The following FCHO1 variants were observed in gnomAD, a reference collection of about 807,000 sequenced individuals.
The protein encoded by FCHO1 is F-BAR domain only protein 1.
In FCHO1, 45 loss-of-function variants were observed where a neutral mutation model predicts 114.4. The observed-to-expected ratio is 0.39, with a 90% CI of 0.31 to 0.50. The LOEUF (loss-of-function observed/expected upper bound fraction) is 0.50, where lower values mean the gene tolerates loss of function less well. Among genes scored for constraint, FCHO1 ranks in the 20% least tolerant of loss-of-function variants. The pLI is 0.77. For missense variants in FCHO1, 1,042 were observed against 1,209.6 expected, an observed-to-expected ratio of 0.86 and a Z score of 2.06; for synonymous variants, 480 against 488.9, an observed-to-expected ratio of 0.98 and a Z score of 0.24.
chr19:17,781,431 G>A (rs769483942), intron 21 of FCHO1, 21 bp from the exon 22 acceptor site: 1 of 1,613,938 alleles, frequency 6.2e-7, no homozygotes, highest in Non-Finnish European at 8.5e-7. Context: ...TCACAGCCAA[G>A]ATTGTCTCTT....
chr19:17,783,083 C>T lies in FCHO1; in HGVS notation c.2004C>T (p.Ser668=), dbSNP rs767033905. 39 of 1,614,090 alleles carry T rather than the reference C, an allele frequency of 2.4e-5. No homozygotes were observed. The highest frequency in any genetic ancestry group is 1.6e-4 in the Middle Eastern group (1 of 6,062). Reference sequence around the variant, plus strand: ...CTGCTGGCATCGTGCGTGTGTTCAGCGGGACCCCACCACCACCTGTCCTCA... The same window carrying T: ...CTGCTGGCATCGTGCGTGTGTTCAGTGGGACCCCACCACCACCTGTCCTCA... ...TFPAGIVRVF[S]GTPPPPVLSF... Residue 668 remains serine (S), a synonymous_variant, in exon 24 of 29, where the codon AGC becomes AGT. Transcript: ENST00000596536.
Position 17,768,552 on chromosome 19 carries a change from C to T in FCHO1, c.336+1742C>T, listed in dbSNP as rs549753436. ...ACTAAAAACACAAAAATTAGCCAGA[C>T]GTGGTGGCACACACACCTGTAATCC... On this transcript the variant is annotated intron_variant, in intron 7 of 28. Coordinates refer to ENST00000596536, the MANE Select transcript of FCHO1 (RefSeq NM_015122.3). Among the ~76,000 whole-genome samples, 9 of 151,704 alleles carry T rather than the reference C, an allele frequency of 5.9e-5. No homozygotes were observed. The South Asian group carries it at 6.2e-4, about 11-fold the overall frequency.
intron 6 of FCHO1, among the ~76,000 whole-genome samples, chr19:17,765,458 G>A (rs2088549847): frequency 6.6e-6 from 1 of 151,920 alleles, no homozygotes; most frequent in African/African-American, 2.4e-5. Context: ...GATCACTTGA[G>A]GCCAAAAGTT....
Position 17,784,949 on chromosome 19 carries a change from A to G in FCHO1, c.2426+25A>G, listed in dbSNP as rs757967122. On this transcript the variant is annotated intron_variant, in intron 26 of 28. Transcript: ENST00000596536. The surrounding 1 kb of genome is among the most constrained non-coding windows in gnomAD (Gnocchi z 5.3). ...GGTGAGGGCTTGCGGGAGGCCAAGG[A>G]AAACTCAGCAGTTTCCCCCATAACC... 3.7e-6 allele frequency: 6 copies of G among 1,603,362 alleles called. No individual in the cohort carries two copies. The South Asian group carries it at 6.6e-5, about 18-fold the overall frequency.
Position 17,774,298 on chromosome 19 carries a change from G to C in FCHO1, c.835+15G>C, listed in dbSNP as rs771778944. 2.5e-6 allele frequency: 4 copies of C among 1,614,124 alleles called. No individual in the cohort carries two copies. The highest frequency in any genetic ancestry group is 3.4e-6 in the Non-Finnish European group (4 of 1,180,010). On this transcript the variant is annotated intron_variant, in intron 12 of 28. Coordinates refer to ENST00000596536, the MANE Select transcript of FCHO1 (RefSeq NM_015122.3). ...CCTGCAGGAAGGCAAGTACGTCTGGGCCTGGATGCCCAGGCTGGACCATGG... is the reference window on the plus strand; with the variant it reads ...CCTGCAGGAAGGCAAGTACGTCTGGCCCTGGATGCCCAGGCTGGACCATGG...
Position 17,774,515 on chromosome 19 carries a change from G to A in FCHO1, c.920+37G>A, listed in dbSNP as rs376473622. 2.2e-5 allele frequency: 34 copies of A among 1,568,796 alleles called. No homozygotes were observed. In the African/African-American group the frequency reaches 3.8e-4, roughly 17 times the overall value. On this transcript the variant is annotated intron_variant, in intron 13 of 28. Transcript: ENST00000596536. ...CCCCTGCCCGGTCTGGCCCAGGCTA[G>A]ACCGAGATCCCCTCCCCTGCCCAGG...
chr19:17,764,252 G>A, intron 5 of FCHO1, 123 bp from the exon 6 acceptor site: 1 of 927,534 alleles, frequency 1.1e-6, no homozygotes, highest in Non-Finnish European at 1.7e-6. Flanking sequence ...AGTTGGCCAG[G>A]CTGGTCTTGA....
chr19:17,758,464 A>G (rs2084682090), intron 4 of FCHO1, among the ~76,000 whole-genome samples: 1 of 152,142 alleles, frequency 6.6e-6, no homozygotes, highest in African/African-American at 2.4e-5. Flanking sequence ...GAGGCTAGGA[A>G]GAAGCTAGGA....
chr19:17,781,920 A>G, intron 23 of FCHO1, 100 bp downstream of exon 23: 1 of 778,390 alleles, frequency 1.3e-6, no homozygotes, highest in Non-Finnish European at 2.0e-6. Flanking sequence ...CTTATAGTGA[A>G]AGGGCCTTGA....
At position 17,772,522 on chromosome 19, in the gene FCHO1, C is replaced by T; in HGVS notation, c.660C>T (p.His220=). ...AGGCACTGCTGGGCTCATATGCTCA[C>T]TCGGTGGAGGACACGCACGTGCAGA... ...HMKALLGSYA[H]SVEDTHVQIG... Residue 220 remains histidine, a synonymous_variant, in exon 10 of 29, where the codon CAC becomes CAT. Transcript: ENST00000596536. 1.2e-6 allele frequency: 2 copies of T among 1,614,176 alleles called. No homozygotes were observed. Among genetic ancestry groups the T allele is most frequent in the Non-Finnish European group, 1.7e-6 (2 of 1,180,040 alleles).
chr19:17,778,758 A>G lies in FCHO1; in HGVS notation c.1501A>G (p.Ser501Gly). The change falls in exon 20 of 29, where the codon AGC becomes GGC. Residue 501 changes from serine to glycine, a missense_variant. Around this residue, in one of 3 missense-constraint regions of FCHO1, gnomAD observed 455 missense variants for 455.4 expected, o/e 1.00. Transcript: ENST00000596536. ...GGTCCCCCGCCCAGGCACCCCGCAG[A>G]GCCCGCCCAGCTGTAGGGCGCCACC... is the stretch of plus-strand genomic sequence containing the variant. ...SWVPRPGTPQ[S>G]PPSCRAPPPE... 1 of 1,538,824 alleles carries G rather than the reference A, an allele frequency of 6.5e-7. No homozygotes were observed. Among genetic ancestry groups the G allele is most frequent in the Non-Finnish European group, 8.7e-7 (1 of 1,147,514 alleles).
At chr19:17,778,322 C>A in intron 19 of FCHO1, 94 bp downstream of exon 19, 1 of 1,122,210 alleles carries the variant, frequency 8.9e-7, no homozygotes. Flanking sequence ...CCCCTGGAAG[C>A]CAGGCTGGAG....
In FCHO1 at chr19:17,776,378, C is replaced by A; in HGVS notation, c.1207+107C>A. The A allele has an allele frequency of 7.3e-7, 1 of 1,366,004 alleles. No homozygotes were observed. Among genetic ancestry groups the A allele is most frequent in the Non-Finnish European group, 1.0e-6 (1 of 954,744 alleles). The allele number at this position is 1,366,004 out of a possible 1,614,324, so 84.6% of individuals were successfully genotyped here. On this transcript the variant is annotated intron_variant, in intron 17 of 28. Coordinates refer to ENST00000596536, the MANE Select transcript of FCHO1 (RefSeq NM_015122.3). The surrounding 1 kb of genome is among the most constrained non-coding windows in gnomAD (Gnocchi z 4.4). The stretch of plus-strand genomic sequence containing the variant: ...TTGTAACTTTGGGCAGGCTGCTTAA[C>A]CACACTGACCTTCAGTCTCCTTTTC...
chr19:17,750,340 T>C (rs1055473134), upstream of FCHO1, among the ~76,000 whole-genome samples: 26 of 152,200 alleles, frequency 1.7e-4, no homozygotes, highest in African/African-American at 6.0e-4. Flanking sequence ...CCTAGGTTGA[T>C]GTTTTCACTT....
intron 6 of FCHO1, 93 bp from the exon 7 acceptor site, chr19:17,766,576 C>A (rs1252295827): frequency 1.5e-5 from 23 of 1,499,322 alleles, no homozygotes; most frequent in Non-Finnish European, 2.1e-5. Flanking sequence ...TTTAGCAGGG[C>A]TCAGCGTGCA....
chr19:17,759,665 G>A (rs2085289129), intron 4 of FCHO1, among the ~76,000 whole-genome samples: 1 of 151,898 alleles, frequency 6.6e-6, no homozygotes, highest in African/African-American at 2.4e-5. Flanking sequence ...GGGCGTGGTG[G>A]TTCACGCCTG....
In FCHO1 at chr19:17,784,106, C is replaced by A; in HGVS notation, c.2097C>A (p.Asp699Glu). 2 of 1,613,934 alleles carry A rather than the reference C, an allele frequency of 1.2e-6. No individual in the cohort carries two copies. Residue 699 changes from aspartate (D) to glutamate (E), a missense_variant, in exon 25 of 29, where the codon GAC (aspartate) becomes GAA (glutamate). Physicochemically the swap from Asp to Glu is conservative, Grantham distance 45. Transcript: ENST00000596536. This position sits in a 1 kb window ranked among gnomAD's most constrained non-coding sequence, Gnocchi z 5.3. Reference sequence around the variant, plus strand: ...TGATCAGTCCGGGTCTCTGCAGTGACCCCTCCCAGAGTGACCCTGAGACCA... The same window carrying A: ...TGATCAGTCCGGGTCTCTGCAGTGAACCCTCCCAGAGTGACCCTGAGACCA... ...FQPNADLLFS[D>E]PSQSDPETKD...
intron 11 of FCHO1, among the ~76,000 whole-genome samples, chr19:17,773,624 A>G (rs1415125921): frequency 6.6e-6 from 1 of 152,166 alleles, no homozygotes; most frequent in Non-Finnish European, 1.5e-5. Flanking sequence ...CCCACTGCAC[A>G]GACGCATGGT....
At chr19:17,779,294 G>C (rs779994865) in intron 20 of FCHO1, among the ~76,000 whole-genome samples, 2 of 152,112 alleles carry the variant, frequency 1.3e-5, no homozygotes, top group East Asian at 3.9e-4. Flanking sequence ...GGACCAGGAA[G>C]GGCCTGATGG....
Sources: allele counts gnomAD v4.1 joint callset (sites outside exome capture counted in the v4.1 genomes callset), GRCh38; gene constraint gnomAD v4.1.1; regional missense constraint gnomAD v4.1.1; non-coding constraint Gnocchi (gnomAD v3.1); transcripts MANE v1.5; gene names NCBI Gene and HGNC (gene_info 2026-07-23, HGNC 2026-07-21).